Variants in UBA6 observed in about 807,000 individuals in gnomAD.
The protein encoded by UBA6 is ubiquitin like modifier activating enzyme 6, also known as ubiquitin-like modifier-activating enzyme 6.
In UBA6, 87 loss-of-function variants were observed where a neutral mutation model predicts 148.3. The observed-to-expected ratio is 0.59, with a 90% CI of 0.49 to 0.70. The LOEUF (loss-of-function observed/expected upper bound fraction) is 0.70, where lower values mean the gene tolerates loss of function less well. Among genes scored for constraint, UBA6 ranks in the 30% least tolerant of loss-of-function variants. UBA6 has a pLI of 0.00. For synonymous variants in UBA6, 376 were observed against 401.0 expected (o/e 0.94, Z 0.75); for missense variants, 1,186 against 1,241.2 (o/e 0.96, Z 0.67).
chr4:67,680,385 T>C lies in UBA6; in HGVS notation c.258+1178A>G, dbSNP rs373763521. On this transcript the variant is annotated intron_variant, in intron 4 of 32. Coordinates refer to ENST00000322244, the MANE Select transcript of UBA6 (RefSeq NM_018227.6). ...CAAAAAGAATCAAATCTGAACTGGA[T>C]TCTCTGGCTATAACTACCAGTTTAC... Among the ~76,000 whole-genome samples, 6 of 152,298 alleles carry C rather than the reference T, an allele frequency of 3.9e-5. No individual in the cohort carries two copies. The East Asian group carries it at 1.2e-3, about 29-fold the overall frequency.
At position 67,615,499 on chromosome 4, in the gene UBA6, C is replaced by T. The variant is rs958063680; in HGVS notation, c.*3498G>A. ...TGCTTAGAAAAAAATTTGTAATCAT[C>T]TAATAAAATTTAAGATATGAATACC... is the stretch of plus-strand genomic sequence containing the variant. On this transcript the variant is annotated 3_prime_UTR_variant, in exon 33 of 33. Transcript: ENST00000322244. 2 of 152,084 alleles carry T rather than the reference C, an allele frequency of 1.3e-5. No individual in the cohort carries two copies. Among genetic ancestry groups the T allele is most frequent in the Non-Finnish European group, 2.9e-5 (2 of 68,008 alleles). The allele number at this position is 152,084 out of a possible 1,614,324, so 9.4% of individuals were successfully genotyped here.
chr4:67,662,388 G>GT (rs1729882572), intron 12 of UBA6, 133 bp from the exon 13 acceptor site: 1 of 630,676 alleles, frequency 1.6e-6, no homozygotes, highest in African/African-American at 1.8e-5. Context: ...ACAAAATGTT[G>GT]TACTGATTTA....
intron 10 of UBA6, among the ~76,000 whole-genome samples, chr4:67,664,219 ATTATT>A (rs1316863880): frequency 6.6e-6 from 1 of 152,108 alleles, no homozygotes; most frequent in Non-Finnish European, 1.5e-5. Flanking sequence ...TAAAAAATTT[ATTATT>A]TTAATCTAAA....
Position 67,639,028 on chromosome 4 carries a change from T to A in UBA6, c.1651A>T (p.Thr551Ser), listed in dbSNP as rs775728121. The A allele has an allele frequency of 6.2e-7, 1 of 1,612,680 alleles. No homozygotes were observed. Among genetic ancestry groups the A allele is most frequent in the South Asian group, 1.1e-5 (1 of 91,046 alleles). ...HLNKVCPTTE[T>S]IYNDEFYTKQ... ...GTATAGAACTCATCATTGTAAATGG[T>A]CTCAGTGGTTGGACATACTTTGTTC... Residue 551 changes from threonine (T) to serine (S), a missense_variant, in exon 19 of 33, where the codon ACC (threonine) becomes TCC (serine). Transcript: ENST00000322244.
At position 67,696,692 on chromosome 4, in the gene UBA6, C is replaced by A. The variant is rs1422521842; in HGVS notation, c.87G>T (p.Leu29Phe). The stretch of plus-strand genomic sequence containing the variant: ...CCACAGATGCTGTTGACATAATGGG[C>A]AAATTTTTATTTGTGCTGGAAAAAA... ...SWGTGSTNKN[L>F]PIMSTASVEI... Residue 29 changes from leucine (L) to phenylalanine (F), a missense_variant, in exon 2 of 33, where the codon TTG becomes TTT. Coordinates refer to ENST00000322244, the MANE Select transcript of UBA6 (RefSeq NM_018227.6). The A allele has an allele frequency of 1.9e-6, 3 of 1,604,534 alleles. No individual in the cohort carries two copies. Among genetic ancestry groups the A allele is most frequent in the Non-Finnish European group, 2.6e-6 (3 of 1,175,014 alleles).
chr4:67,647,213 G>A (rs1729439291), intron 14 of UBA6, among the ~76,000 whole-genome samples: 1 of 152,092 alleles, frequency 6.6e-6, no homozygotes, highest in South Asian at 2.1e-4. Flanking sequence ...CTGTTGCCCA[G>A]GCTGGAGTAC....
intron 1 of UBA6, among the ~76,000 whole-genome samples, chr4:67,700,814 A>G (rs1486261585): frequency 6.6e-6 from 1 of 152,168 alleles, no homozygotes; most frequent in Non-Finnish European, 1.5e-5. Context: ...GCCAGAACTG[A>G]GAAAGCCCTC....
chr4:67,694,558 C>CGCACCT (rs1553910923), intron 2 of UBA6, among the ~76,000 whole-genome samples: 2 of 151,860 alleles, frequency 1.3e-5, no homozygotes, highest in Non-Finnish European at 2.9e-5. Context: ...CCACCACACC[C>CGCACCT]GGCTAATTTT....
intron 2 of UBA6, among the ~76,000 whole-genome samples, chr4:67,691,788 G>A (rs191031470): frequency 3.3e-5 from 5 of 150,590 alleles, no homozygotes; most frequent in African/African-American, 7.3e-5. Flanking sequence ...CCAGTGGAAG[G>A]ACCATTGTAA....
chr4:67,640,368 AC>A (rs1440429732), intron 18 of UBA6, among the ~76,000 whole-genome samples: 2 of 152,246 alleles, frequency 1.3e-5, no homozygotes, highest in African/African-American at 4.8e-5. Context: ...ATTAACTATG[AC>A]ATCTGTTTTA....
chr4:67,695,500 A>C (rs1730812256), intron 2 of UBA6, among the ~76,000 whole-genome samples: 1 of 152,214 alleles, frequency 6.6e-6, no homozygotes, highest in Non-Finnish European at 1.5e-5. Context: ...TGCCTAACTC[A>C]TTAACCTGTC....
intron 22 of UBA6, 150 bp from the exon 23 acceptor site, chr4:67,633,623 C>G: frequency 6.4e-6 from 4 of 625,140 alleles, no homozygotes; most frequent in Middle Eastern, 3.2e-4. Flanking sequence ...CTTCCTTCTT[C>G]TTTAACCTTT....
intron 23 of UBA6, among the ~76,000 whole-genome samples, chr4:67,632,688 A>G (rs1729027461): frequency 6.6e-6 from 1 of 152,198 alleles, no homozygotes; most frequent in African/African-American, 2.4e-5. Flanking sequence ...AGTAAAAAGA[A>G]GAAGTATAAA....
At chr4:67,636,694 C>T (rs1252766694) in intron 19 of UBA6, among the ~76,000 whole-genome samples, 1 of 152,210 alleles carries the variant, frequency 6.6e-6, no homozygotes, top group Non-Finnish European at 1.5e-5. Context: ...TCATTCAGTG[C>T]TCAATGTTGC....
At chr4:67,654,112 T>G (rs138452145) in intron 13 of UBA6, among the ~76,000 whole-genome samples, 1 of 152,180 alleles carries the variant, frequency 6.6e-6, no homozygotes, top group Non-Finnish European at 1.5e-5. Flanking sequence ...GAAAACACTC[T>G]TCAGGGTATT....
rs140068938 is a variant in UBA6, at chr4:67,646,724, C to T, written c.1316G>A (p.Arg439Gln). 4 of 1,601,468 alleles carry T rather than the reference C, an allele frequency of 2.5e-6. No individual in the cohort carries two copies. The highest frequency in any genetic ancestry group is 2.2e-5 in the South Asian group (2 of 89,100). The change falls in exon 15 of 33, where the codon CGA (arginine) becomes CAA (glutamine). Residue 439 changes from arginine (R) to glutamine (Q), a missense_variant and splice_region_variant. Physicochemically the swap from Arg to Gln is conservative, Grantham distance 43. Transcript: ENST00000322244. ...AAAGCAAGAGAAATTTCATTATTAC[C>T]GTGGGAGAAATTCTTCACATTCAGG... is the stretch of plus-strand genomic sequence containing the variant. ...GKPECEEFLP[R>Q]GDRYDALRAC...
intron 6 of UBA6, among the ~76,000 whole-genome samples, chr4:67,676,315 C>T (rs530710380): frequency 2.0e-5 from 3 of 152,242 alleles, no homozygotes; most frequent in South Asian, 2.1e-4. Flanking sequence ...TGAGCCACCG[C>T]GCCCAGCCTA....
chr4:67,633,487 GAA>G lies in UBA6; in HGVS notation c.2014-16_2014-15del. 6.7e-7 allele frequency: 1 copy of G among 1,486,880 alleles called. No homozygotes were observed. The highest frequency in any genetic ancestry group is 2.3e-5 in the Admixed American group (1 of 43,940). The allele number at this position is 1,486,880 out of a possible 1,614,324, so 92.1% of individuals were successfully genotyped here. The stretch of plus-strand genomic sequence containing the variant: ...ACTCTGTATCTTCTAGAATGGGAGA[GAA>G]AAAAAAAATCAACATACTTCCAATT... On this transcript the variant is annotated splice_polypyrimidine_tract_variant and intron_variant, in intron 22 of 32. Coordinates refer to ENST00000322244, the MANE Select transcript of UBA6 (RefSeq NM_018227.6).
chr4:67,673,571 T>G, intron 7 of UBA6, 126 bp downstream of exon 7: 1 of 512,922 alleles, frequency 1.9e-6, no homozygotes, highest in South Asian at 3.2e-5. Context: ...TCAAAATTAA[T>G]GAAAAAAATG....
Sources: allele counts gnomAD v4.1 joint callset (sites outside exome capture counted in the v4.1 genomes callset), GRCh38; gene constraint gnomAD v4.1.1; transcripts MANE v1.5; gene names NCBI Gene and HGNC (gene_info 2026-07-23, HGNC 2026-07-21).